The following JARID2 variants were observed in gnomAD, a reference collection of about 807,000 sequenced individuals.
JARID2 encodes the protein protein Jumonji.
JARID2 carries 21 observed loss-of-function variants against 125.6 expected under a neutral mutation model. The observed-to-expected ratio is 0.17, with a 90% CI of 0.12 to 0.24. The LOEUF (loss-of-function observed/expected upper bound fraction) is 0.24, where lower values mean the gene tolerates loss of function less well. Among genes scored for constraint, JARID2 ranks in the 10% least tolerant of loss-of-function variants. JARID2 has a pLI of 1.00. For synonymous variants in JARID2, 736 were observed against 661.6 expected (o/e 1.11, Z -1.73); for missense variants, 1,303 against 1,639.6 (o/e 0.79, Z 3.55).
intron 1 of JARID2, among the ~76,000 whole-genome samples, chr6:15,276,130 G>A (rs1179479344): frequency 6.6e-6 from 1 of 152,162 alleles, no homozygotes; most frequent in Non-Finnish European, 1.5e-5. Flanking sequence ...GGAGATAAAT[G>A]GATGTTTCCT....
At chr6:15,517,554 T>G (rs887382042) in intron 17 of JARID2, among the ~76,000 whole-genome samples, 1 of 152,224 alleles carries the variant, frequency 6.6e-6, no homozygotes. Context: ...GCTGCACCAC[T>G]GTGGTTTAGA....
intron 1 of JARID2, among the ~76,000 whole-genome samples, chr6:15,269,477 T>C (rs1268348155): frequency 1.3e-5 from 2 of 152,100 alleles, no homozygotes; most frequent in African/African-American, 2.4e-5. Flanking sequence ...TCCTCCTGCC[T>C]TCCCTGCCCC....
chr6:15,425,175 T>C (rs1766671634), intron 3 of JARID2, among the ~76,000 whole-genome samples: 1 of 152,188 alleles, frequency 6.6e-6, no homozygotes, highest in Admixed American at 6.5e-5. Context: ...GAGAATAGTA[T>C]AGTTGTACCT....
intron 1 of JARID2, among the ~76,000 whole-genome samples, chr6:15,365,581 C>T (rs779409900): frequency 2.4e-4 from 36 of 150,978 alleles, no homozygotes; most frequent in Non-Finnish European, 4.9e-4. Flanking sequence ...TGCAATAAAT[C>T]GTTTTCAGCA....
chr6:15,486,103 G>A (rs960718511), intron 5 of JARID2, among the ~76,000 whole-genome samples: 1 of 152,142 alleles, frequency 6.6e-6, no homozygotes, highest in Non-Finnish European at 1.5e-5. Flanking sequence ...GCAGGATGAT[G>A]GCTAAAAGAT....
chr6:15,410,357 G>A lies in JARID2; in HGVS notation c.315G>A (p.Ser105=), dbSNP rs1765825274. 2 of 1,613,986 alleles carry A rather than the reference G, an allele frequency of 1.2e-6. No individual in the cohort carries two copies. Among genetic ancestry groups the A allele is most frequent in the Non-Finnish European group, 1.7e-6 (2 of 1,179,928 alleles). Residue 105 remains serine, a synonymous_variant, in exon 3 of 18, where the codon TCG becomes TCA. Coordinates refer to ENST00000341776, the MANE Select transcript of JARID2 (RefSeq NM_004973.4). ...CTTCAGATTTTGAAGAAGGGCCGTC[G>A]AGGAAAAGGTTAGTACCCAAGGCTG... ...VSSSDFEEGP[S]RKRPRLQAQR...
intron 1 of JARID2, among the ~76,000 whole-genome samples, chr6:15,347,749 G>T (rs190249893): frequency 6.6e-5 from 10 of 152,076 alleles, no homozygotes; most frequent in Non-Finnish European, 1.5e-4. Flanking sequence ...AGCGGATCTC[G>T]CTCTGTCACG....
chr6:15,465,814 G>GTTTGTTTT (rs1403951096), intron 4 of JARID2, among the ~76,000 whole-genome samples: 1 of 144,732 alleles, frequency 6.9e-6, no homozygotes, highest in East Asian at 2.0e-4. Flanking sequence ...TTGTTTGTTT[G>GTTTGTTTT]TTTTTTTGAG....
At chr6:15,247,423 CTTTTTTTTTTTTTT>C (rs1759221839) in intron 1 of JARID2, 1 of 701,054 alleles carries the variant, frequency 1.4e-6, no homozygotes, top group Non-Finnish European at 1.7e-6. Flanking sequence ...TGTGTGGTGG[CTTTTTTTTTTTTTT>C]AAGTTTGAGG....
At chr6:15,399,937 C>A (rs946426996) in intron 2 of JARID2, among the ~76,000 whole-genome samples, 1 of 152,092 alleles carries the variant, frequency 6.6e-6, no homozygotes. Context: ...GGTTGAAGTT[C>A]AAAGAAAGGC....
chr6:15,401,045 C>A (rs766622494), intron 2 of JARID2: 1 of 1,289,068 alleles, frequency 7.8e-7, no homozygotes, highest in Non-Finnish European at 1.0e-6. Flanking sequence ...AAAGACAAAC[C>A]AAATAGCTCT....
chr6:15,275,399 C>T (rs1184424184), intron 1 of JARID2, among the ~76,000 whole-genome samples: 4 of 151,978 alleles, frequency 2.6e-5, no homozygotes, highest in South Asian at 2.1e-4. Flanking sequence ...ATACTGATAC[C>T]GGTTAATTCA....
chr6:15,455,207 AAC>A (rs1491239656), intron 4 of JARID2, among the ~76,000 whole-genome samples: 1 of 151,930 alleles, frequency 6.6e-6, no homozygotes, highest in Non-Finnish European at 1.5e-5. Flanking sequence ...AAAAAAAAAA[AAC>A]AATGGTGATA....
In JARID2 at chr6:15,469,318, G is replaced by GTC. The variant is rs1212844795; in HGVS notation, c.670+617_670+618dup. 4.8e-3 allele frequency among the ~76,000 whole-genome samples: 232 copies of GTC among 48,528 alleles called. 5 individuals carry two copies. Among genetic ancestry groups the GTC allele is most frequent in the Middle Eastern group, 0.014 (1 of 70 alleles). 31.8% of individuals were successfully genotyped at this position (48,528 alleles called of 152,430 possible). On this transcript the variant is annotated intron_variant, in intron 5 of 17. Coordinates refer to ENST00000341776, the MANE Select transcript of JARID2 (RefSeq NM_004973.4). ...TCTCTGTCTCTGTCTCTCTCTCTCT[G>GTC]TCTCTCTCTCTCTCTCTCCTGTCTC...
intron 4 of JARID2, among the ~76,000 whole-genome samples, chr6:15,464,481 TG>T (rs750533160): frequency 1.3e-5 from 2 of 152,154 alleles, no homozygotes; most frequent in Non-Finnish European, 2.9e-5. Flanking sequence ...CCCTGGTGGA[TG>T]GGTGATGGAT....
At chr6:15,333,478 C>T (rs1387194111) in intron 1 of JARID2, among the ~76,000 whole-genome samples, 1 of 152,144 alleles carries the variant, frequency 6.6e-6, no homozygotes, top group Non-Finnish European at 1.5e-5. Context: ...TGTATGGCGT[C>T]TTTCACTTAG....
chr6:15,521,639 GTTCT>G lies in JARID2; in HGVS notation c.*1391_*1394del, dbSNP rs373723214. ...AAAAGGGAAACTGTTTTCACAAGCT[GTTCT>G]TTGTTTCATAATTGGATTCATCAAT... On this transcript the variant is annotated 3_prime_UTR_variant, in exon 18 of 18. Coordinates refer to ENST00000341776, the MANE Select transcript of JARID2 (RefSeq NM_004973.4). 2 of 152,308 alleles carry G rather than the reference GTTCT, an allele frequency of 1.3e-5. No homozygotes were observed. The highest frequency in any genetic ancestry group is 2.4e-5 in the African/African-American group (1 of 41,550). 9.4% of individuals were successfully genotyped at this position (152,308 alleles called of 1,614,324 possible). A position where few individuals can be genotyped will look rare whatever the true frequency, so the allele number is the denominator to read the frequency against.
intron 8 of JARID2, among the ~76,000 whole-genome samples, chr6:15,503,966 A>AG (rs2127749508): frequency 6.6e-6 from 1 of 152,376 alleles, no homozygotes; most frequent in South Asian, 2.1e-4. Context: ...GAAGGCGACC[A>AG]GGTCGCAACC....
chr6:15,341,703 A>G (rs1763075542), intron 1 of JARID2, among the ~76,000 whole-genome samples: 1 of 152,216 alleles, frequency 6.6e-6, no homozygotes, highest in South Asian at 2.1e-4. Context: ...TTGTTAGTAA[A>G]TGGCAAAGAG....
Sources: gnomAD v4.1 joint callset for allele counts (sites outside exome capture counted in the v4.1 genomes callset) on GRCh38, gnomAD v4.1.1 for gene constraint, MANE v1.5 for transcripts, NCBI Gene and HGNC (gene_info 2026-07-23, HGNC 2026-07-21) for gene names.